FER: variants seen among roughly 807,000 people sequenced by gnomAD.
FER encodes the protein tyrosine-protein kinase Fer.
A neutral mutation model predicts 111.0 loss-of-function variants in FER; 63 were observed. That is an observed-to-expected ratio of 0.57 (90% confidence interval 0.46 to 0.70). The LOEUF (loss-of-function observed/expected upper bound fraction) is 0.70. Ranked by LOEUF, FER falls within the 30% of genes least tolerant of loss-of-function variation. FER has a pLI of 0.00. For synonymous variants in FER, 327 were observed against 313.9 expected (o/e 1.04, Z -0.44); for missense variants, 914 against 954.0 (o/e 0.96, Z 0.55).
At chr5:108,862,398 G>A (rs1763613808) in intron 5 of FER, among the ~76,000 whole-genome samples, 1 of 152,230 alleles carries the variant, frequency 6.6e-6, no homozygotes, top group South Asian at 2.1e-4. Context: ...AAAGACAGAT[G>A]GGTAGTGTGC....
chr5:109,120,252 C>A (rs943821447), intron 17 of FER, among the ~76,000 whole-genome samples: 6 of 152,206 alleles, frequency 3.9e-5, no homozygotes, highest in Middle Eastern at 3.4e-3. Flanking sequence ...AGAATTAAGT[C>A]TTTAATCGGC....
chr5:108,966,087 T>C (rs1402024639), intron 13 of FER, among the ~76,000 whole-genome samples: 1 of 152,194 alleles, frequency 6.6e-6, no homozygotes, highest in Non-Finnish European at 1.5e-5. Flanking sequence ...CCACTGATGT[T>C]CCATAAATGA....
chr5:109,052,162 A>T, intron 16 of FER: 3 of 1,607,830 alleles, frequency 1.9e-6, no homozygotes, highest in Non-Finnish European at 8.5e-7. Flanking sequence ...CTTTTGCATC[A>T]CATAGAACAC....
intron 3 of FER, among the ~76,000 whole-genome samples, chr5:108,807,860 A>G (rs565911012): frequency 6.6e-6 from 1 of 151,926 alleles, no homozygotes; most frequent in South Asian, 2.1e-4. Flanking sequence ...TTCTGCCTTA[A>G]TTTCATTGTT....
Position 109,053,283 on chromosome 5 carries a change from T to A in FER, c.1924+6085T>A, listed in dbSNP as rs182133618. On this transcript the variant is annotated intron_variant, in intron 16 of 19. Transcript: ENST00000281092. ...GTGTAATCTCAGCTACTTGGGAGGC[T>A]GAGGGAGGAGAATCGCTTGAACCCA... Among the ~76,000 whole-genome samples, 303 of 149,094 alleles carry A rather than the reference T, an allele frequency of 2.0e-3. 2 individuals carry two copies. The highest frequency in any genetic ancestry group is 6.8e-3 in the African/African-American group (276 of 40,312).
intron 16 of FER, among the ~76,000 whole-genome samples, chr5:109,073,548 A>G (rs1413313390): frequency 6.6e-6 from 1 of 152,186 alleles, no homozygotes; most frequent in Non-Finnish European, 1.5e-5. Flanking sequence ...TCTCACCATT[A>G]TATAAATATC....
intron 17 of FER, among the ~76,000 whole-genome samples, chr5:109,163,681 G>T (rs910320512): frequency 6.6e-6 from 1 of 152,016 alleles, no homozygotes; most frequent in African/African-American, 2.4e-5. Context: ...TCCTGCGCTC[G>T]ATCCTCCTGC....
At position 108,849,454 on chromosome 5, in the gene FER, TTTGTTG is replaced by T. The variant is rs77866064; in HGVS notation, c.481+13668_481+13673del. Among the ~76,000 whole-genome samples, 17 of 146,660 alleles carry T rather than the reference TTTGTTG, an allele frequency of 1.2e-4. 1 individual carries two copies. The highest frequency in any genetic ancestry group is 2.2e-4 in the South Asian group (1 of 4,600). On this transcript the variant is annotated intron_variant, in intron 5 of 19. Coordinates refer to ENST00000281092, the MANE Select transcript of FER (RefSeq NM_005246.4). ...GCCTTTAATCCCATCTGGTGGTGGTTTTGTTGTTGTTGTTGTTGTTGTTGTTTTGTT... is the reference window on the plus strand; with the variant it reads ...GCCTTTAATCCCATCTGGTGGTGGTTTTGTTGTTGTTGTTGTTGTTTTGTT...
At chr5:108,884,510 TG>T (rs1746763784) in intron 9 of FER, among the ~76,000 whole-genome samples, 2 of 133,814 alleles carry the variant, frequency 1.5e-5, no homozygotes, top group African/African-American at 6.1e-5. Context: ...TTCTTATGCC[TG>T]GTTTTTTTTT....
intron 13 of FER, among the ~76,000 whole-genome samples, chr5:109,022,411 A>G (rs2149833834): frequency 6.6e-6 from 1 of 152,262 alleles, no homozygotes; most frequent in South Asian, 2.1e-4. Flanking sequence ...GTAGGCTTGC[A>G]GTACAGGACC....
intron 5 of FER, among the ~76,000 whole-genome samples, chr5:108,864,528 C>G (rs537704593): frequency 6.6e-6 from 1 of 152,284 alleles, no homozygotes; most frequent in South Asian, 2.1e-4. Context: ...AGCCTGCCGT[C>G]AAAAATTCTC....
intron 14 of FER, among the ~76,000 whole-genome samples, chr5:109,040,684 T>C (rs1477699557): frequency 6.6e-6 from 1 of 152,020 alleles, no homozygotes; most frequent in Non-Finnish European, 1.5e-5. Context: ...AGATGTGGGG[T>C]GATAGTTTCA....
chr5:109,086,826 AT>A (rs926750261), intron 16 of FER, among the ~76,000 whole-genome samples: 3 of 151,056 alleles, frequency 2.0e-5, no homozygotes, highest in African/African-American at 7.3e-5. Context: ...CTTAACAAAA[AT>A]TTTTTTCCCA....
chr5:109,150,163 C>A (rs191531642), intron 17 of FER, among the ~76,000 whole-genome samples: 2 of 152,270 alleles, frequency 1.3e-5, no homozygotes, highest in Admixed American at 1.3e-4. Flanking sequence ...CTGCCTTAGA[C>A]TGAGCATCTA....
At chr5:109,005,912 C>T (rs1414819551) in intron 13 of FER, among the ~76,000 whole-genome samples, 5 of 152,158 alleles carry the variant, frequency 3.3e-5, no homozygotes, top group African/African-American at 1.2e-4. Flanking sequence ...TAACTTAAGA[C>T]AAATTTGTAT....
chr5:108,830,334 G>T (rs991296599), intron 3 of FER, among the ~76,000 whole-genome samples: 3 of 152,030 alleles, frequency 2.0e-5, no homozygotes, highest in Non-Finnish European at 4.4e-5. Flanking sequence ...CACACATGTA[G>T]TCTCAGCTAC....
chr5:109,074,756 C>T (rs925294826), intron 16 of FER, among the ~76,000 whole-genome samples: 2 of 152,200 alleles, frequency 1.3e-5, no homozygotes, highest in Admixed American at 6.5e-5. Context: ...CTCGCTTTTG[C>T]GAAAGCAGAG....
At chr5:109,005,222 G>T (rs1765341837) in intron 13 of FER, among the ~76,000 whole-genome samples, 1 of 151,978 alleles carries the variant, frequency 6.6e-6, no homozygotes, top group Non-Finnish European at 1.5e-5. Flanking sequence ...TCTCATGCTG[G>T]AATCTAACTG....
rs115200769 is a variant in FER at position 108,757,267 on chromosome 5, A to T, written c.-206+9267A>T. Among the ~76,000 whole-genome samples the T allele has an allele frequency of 7.6e-3, 1,155 of 152,276 alleles. 6 individuals are homozygous for T. The highest frequency in any genetic ancestry group is 0.01 in the Non-Finnish European group (714 of 68,006). On this transcript the variant is annotated intron_variant, in intron 1 of 19. Transcript: ENST00000281092. ...CTCTCATTAGAAGCAAGACCCTAAG[A>T]TATTCATGCTCCTGGCTAACAGTCT... is the stretch of plus-strand genomic sequence containing the variant.
Sources: gnomAD v4.1 joint callset for allele counts (sites outside exome capture counted in the v4.1 genomes callset) on GRCh38, gnomAD v4.1.1 for gene constraint, MANE v1.5 for transcripts, NCBI Gene and HGNC (gene_info 2026-07-23, HGNC 2026-07-21) for gene names.